Variants in SPATA31D3 observed in about 807,000 individuals in gnomAD.
SPATA31D3 encodes the protein SPATA31 subfamily D member 3.
For missense variants in SPATA31D3, 91 were observed against 297.9 expected (o/e 0.31, Z 5.11); for synonymous variants, 27 against 107.8 (o/e 0.25, Z 4.65).
At position 81,949,438 on chromosome 9, in the gene SPATA31D3, G is replaced by C. The variant is rs1278286184; in HGVS notation, c.*1431G>C. On this transcript the variant is annotated 3_prime_UTR_variant, in exon 4 of 4. Coordinates refer to ENST00000445385, the MANE Select transcript of SPATA31D3 (RefSeq NM_207416.3). ...AAAACAAGAAAGTTCCTAGGAAAAG[G>C]GTAGCTCCTTGTCATCATCTGTGCA... 3.3e-5 allele frequency: 13 copies of C among 390,088 alleles called. No individual in the cohort carries two copies. The highest frequency in any genetic ancestry group is 6.7e-5 in the South Asian group (2 of 29,992). 24.2% of individuals were successfully genotyped at this position (390,088 alleles called of 1,614,324 possible). A position where few individuals can be genotyped will look rare whatever the true frequency, so the allele number is the denominator to read the frequency against.
Position 81,949,558 on chromosome 9 carries a change from C to T in SPATA31D3, c.*1551C>T, listed in dbSNP as rs568692465. On this transcript the variant is annotated 3_prime_UTR_variant, in exon 4 of 4. Coordinates refer to ENST00000445385, the MANE Select transcript of SPATA31D3 (RefSeq NM_207416.3). ...CACTGGGGAGTTCATAGAAGAGAAGCTGGGGCATAGACATTGAATAGATAT... is the reference window on the plus strand; with the variant it reads ...CACTGGGGAGTTCATAGAAGAGAAGTTGGGGCATAGACATTGAATAGATAT... 5.0e-6 allele frequency: 3 copies of T among 602,538 alleles called. No individual in the cohort carries two copies. Among genetic ancestry groups the T allele is most frequent in the South Asian group, 3.5e-5 (2 of 56,514 alleles). The allele number at this position is 602,538 out of a possible 1,614,324, so 37.3% of individuals were successfully genotyped here.
chr9:81,949,258 A>G lies in SPATA31D3; in HGVS notation c.*1251A>G, dbSNP rs552788646. On this transcript the variant is annotated 3_prime_UTR_variant, in exon 4 of 4. Coordinates refer to ENST00000445385, the MANE Select transcript of SPATA31D3 (RefSeq NM_207416.3). The stretch of plus-strand genomic sequence containing the variant: ...AGGGCTGGGGACATCCCAACTCAGA[A>G]GAAAGAGCCATGCTATTCATAACAA... 5.5e-5 allele frequency: 21 copies of G among 383,228 alleles called. 1 individual carries two copies. The highest frequency in any genetic ancestry group is 3.1e-4 in the Admixed American group (8 of 25,518). 23.7% of individuals were successfully genotyped at this position (383,228 alleles called of 1,614,324 possible).
In SPATA31D3 at chr9:81,949,980, C is replaced by T. The variant is rs1275671380; in HGVS notation, c.*1973C>T. ...GTGTTCAGTGATGTGCCTTTACTAA[C>T]TGGACAGAAAATACTTCCAAAGCAT... On this transcript the variant is annotated 3_prime_UTR_variant, in exon 4 of 4. Transcript: ENST00000445385. 1.8e-5 allele frequency: 7 copies of T among 398,950 alleles called. No individual in the cohort carries two copies. Among genetic ancestry groups the T allele is most frequent in the Admixed American group, 4.0e-5 (1 of 24,812 alleles). 24.7% of individuals were successfully genotyped at this position (398,950 alleles called of 1,614,324 possible).
At position 81,949,825 on chromosome 9, in the gene SPATA31D3, A is replaced by C; in HGVS notation, c.*1818A>C. On this transcript the variant is annotated 3_prime_UTR_variant, in exon 4 of 4. Coordinates refer to ENST00000445385, the MANE Select transcript of SPATA31D3 (RefSeq NM_207416.3). ...ATAGCCCCAGGAAGTTGGACATTTA[A>C]GGGGAAGATATTGTGTCAAAGGCAT... is the stretch of plus-strand genomic sequence containing the variant. 1 of 1,119,938 alleles carries C rather than the reference A, an allele frequency of 8.9e-7. No individual in the cohort carries two copies. Among genetic ancestry groups the C allele is most frequent in the East Asian group, 2.4e-5 (1 of 41,962 alleles). 69.4% of individuals were successfully genotyped at this position (1,119,938 alleles called of 1,614,324 possible).
At chr9:81,945,086 ATCCCAAGGGTC>A in intron 2 of SPATA31D3, 75 bp from the exon 3 acceptor site, 1 of 445,414 alleles carries the variant, frequency 2.2e-6, no homozygotes, top group Non-Finnish European at 3.8e-6. Context: ...AGAGTTTAAT[ATCCCAAGGGTC>A]TTCCACAGAG....
Position 81,949,869 on chromosome 9 carries a change from A to G in SPATA31D3, c.*1862A>G, listed in dbSNP as rs993466508. The G allele has an allele frequency of 2.4e-6, 2 of 844,894 alleles. No homozygotes were observed. The highest frequency in any genetic ancestry group is 2.3e-4 in the Middle Eastern group (1 of 4,266). The allele number at this position is 844,894 out of a possible 1,614,324, so 52.3% of individuals were successfully genotyped here. ...AAGGCATCCCCAATCCATGCCCCACAGGAAGCCTGTGCCACAGCCAAACCC... is the reference window on the plus strand; with the variant it reads ...AAGGCATCCCCAATCCATGCCCCACGGGAAGCCTGTGCCACAGCCAAACCC... On this transcript the variant is annotated 3_prime_UTR_variant, in exon 4 of 4. Coordinates refer to ENST00000445385, the MANE Select transcript of SPATA31D3 (RefSeq NM_207416.3).
At position 81,949,982 on chromosome 9, in the gene SPATA31D3, G is replaced by T; in HGVS notation, c.*1975G>T. The T allele has an allele frequency of 2.6e-6, 1 of 388,740 alleles. No homozygotes were observed. Among genetic ancestry groups the T allele is most frequent in the Admixed American group, 4.1e-5 (1 of 24,294 alleles). 24.1% of individuals were successfully genotyped at this position (388,740 alleles called of 1,614,324 possible). A position where few individuals can be genotyped will look rare whatever the true frequency, so the allele number is the denominator to read the frequency against. ...GTTCAGTGATGTGCCTTTACTAACT[G>T]GACAGAAAATACTTCCAAAGCATTT... On this transcript the variant is annotated 3_prime_UTR_variant, in exon 4 of 4. Transcript: ENST00000445385.
Position 81,948,034 on chromosome 9 carries a change from A to C in SPATA31D3, c.*27A>C, listed in dbSNP as rs1449213097. 2.5e-6 allele frequency: 4 copies of C among 1,597,808 alleles called. No homozygotes were observed. The highest frequency in any genetic ancestry group is 3.4e-6 in the Non-Finnish European group (4 of 1,172,296). ...GATGCTGTGGGGCCTTCCCCGCAAG[A>C]TCCGTGAACCCACAGAAATCTTCAA... On this transcript the variant is annotated 3_prime_UTR_variant, in exon 4 of 4. Transcript: ENST00000445385.
At position 81,949,832 on chromosome 9, in the gene SPATA31D3, G is replaced by T. The variant is rs1027056653; in HGVS notation, c.*1825G>T. On this transcript the variant is annotated 3_prime_UTR_variant, in exon 4 of 4. Transcript: ENST00000445385. ...CAGGAAGTTGGACATTTAAGGGGAA[G>T]ATATTGTGTCAAAGGCATCCCCAAT... 7 of 1,081,020 alleles carry T rather than the reference G, an allele frequency of 6.5e-6. No individual in the cohort carries two copies. The highest frequency in any genetic ancestry group is 3.6e-5 in the Admixed American group (2 of 55,660). 67.0% of individuals were successfully genotyped at this position (1,081,020 alleles called of 1,614,324 possible).
Position 81,949,936 on chromosome 9 carries a change from G to T in SPATA31D3, c.*1929G>T. ...TCAACCTGGTGCCTCCGGTCATCCT[G>T]ACCAGTGCTAAAAACACTGTGTTCA... On this transcript the variant is annotated 3_prime_UTR_variant, in exon 4 of 4. Coordinates refer to ENST00000445385, the MANE Select transcript of SPATA31D3 (RefSeq NM_207416.3). 3 of 564,282 alleles carry T rather than the reference G, an allele frequency of 5.3e-6. No homozygotes were observed. The South Asian group carries it at 6.7e-5, about 13-fold the overall frequency. 35.0% of individuals were successfully genotyped at this position (564,282 alleles called of 1,614,324 possible). A position where few individuals can be genotyped will look rare whatever the true frequency, so the allele number is the denominator to read the frequency against.
In SPATA31D3 at chr9:81,949,201, C is replaced by G. The variant is rs1823961785; in HGVS notation, c.*1194C>G. ...TACAAAGAGAGTGAGCCCTCTAAGA[C>G]CTAATGGAGGAGAGCTTGGTGGAGG... On this transcript the variant is annotated 3_prime_UTR_variant, in exon 4 of 4. Transcript: ENST00000445385. 5 of 449,918 alleles carry G rather than the reference C, an allele frequency of 1.1e-5. No homozygotes were observed. Among genetic ancestry groups the G allele is most frequent in the South Asian group, 3.4e-5 (1 of 29,476 alleles). 27.9% of individuals were successfully genotyped at this position (449,918 alleles called of 1,614,324 possible).
chr9:81,948,556 A>G lies in SPATA31D3; in HGVS notation c.*549A>G. On this transcript the variant is annotated 3_prime_UTR_variant, in exon 4 of 4. Transcript: ENST00000445385. ...GACTTTTCTGCCCCCCACACACAGC[A>G]TCATAGACGAAGTCAGTCAGAAACA... 1.1e-5 allele frequency: 1 copy of G among 87,080 alleles called. No homozygotes were observed. Among genetic ancestry groups the G allele is most frequent in the Non-Finnish European group, 1.8e-5 (1 of 54,962 alleles). 5.4% of individuals were successfully genotyped at this position (87,080 alleles called of 1,614,324 possible).
chr9:81,945,061 A>T (rs1823859726), intron 2 of SPATA31D3, 111 bp from the exon 3 acceptor site: 10 of 380,750 alleles, frequency 2.6e-5, no homozygotes, highest in African/African-American at 4.3e-5. Flanking sequence ...TTTTCTACTG[A>T]TTCTTGGGGC....
chr9:81,949,564 C>A lies in SPATA31D3; in HGVS notation c.*1557C>A. 1.6e-6 allele frequency: 1 copy of A among 610,472 alleles called. No individual in the cohort carries two copies. Among genetic ancestry groups the A allele is most frequent in the Non-Finnish European group, 3.1e-6 (1 of 327,236 alleles). 37.8% of individuals were successfully genotyped at this position (610,472 alleles called of 1,614,324 possible). A position where few individuals can be genotyped will look rare whatever the true frequency, so the allele number is the denominator to read the frequency against. The stretch of plus-strand genomic sequence containing the variant: ...GGAGTTCATAGAAGAGAAGCTGGGG[C>A]ATAGACATTGAATAGATATCACCTG... On this transcript the variant is annotated 3_prime_UTR_variant, in exon 4 of 4. Transcript: ENST00000445385.
In SPATA31D3 at chr9:81,949,401, C is replaced by T. The variant is rs1417710882; in HGVS notation, c.*1394C>T. 1.4e-5 allele frequency: 5 copies of T among 369,778 alleles called. No individual in the cohort carries two copies. Among genetic ancestry groups the T allele is most frequent in the South Asian group, 1.3e-4 (4 of 29,862 alleles). 22.9% of individuals were successfully genotyped at this position (369,778 alleles called of 1,614,324 possible). Reference sequence around the variant, plus strand: ...TTTTGCAGCAGTCTAATAAACCCATCATAACATATGGAAAACAAGAAAGTT... The same window carrying T: ...TTTTGCAGCAGTCTAATAAACCCATTATAACATATGGAAAACAAGAAAGTT... On this transcript the variant is annotated 3_prime_UTR_variant, in exon 4 of 4. Transcript: ENST00000445385.
In SPATA31D3 at chr9:81,948,038, G is replaced by A. The variant is rs770924314; in HGVS notation, c.*31G>A. The A allele has an allele frequency of 2.3e-5, 36 of 1,598,626 alleles. 1 individual carries two copies. The highest frequency in any genetic ancestry group is 4.5e-5 in the South Asian group (4 of 88,764). Reference sequence around the variant, plus strand: ...CTGTGGGGCCTTCCCCGCAAGATCCGTGAACCCACAGAAATCTTCAAATCA... The same window carrying A: ...CTGTGGGGCCTTCCCCGCAAGATCCATGAACCCACAGAAATCTTCAAATCA... On this transcript the variant is annotated 3_prime_UTR_variant, in exon 4 of 4. Transcript: ENST00000445385.
chr9:81,948,188 A>T lies in SPATA31D3; in HGVS notation c.*181A>T. 3.2e-6 allele frequency: 4 copies of T among 1,242,530 alleles called. No individual in the cohort carries two copies. The highest frequency in any genetic ancestry group is 2.1e-4 in the Middle Eastern group (1 of 4,770). 77.0% of individuals were successfully genotyped at this position (1,242,530 alleles called of 1,614,324 possible). A position where few individuals can be genotyped will look rare whatever the true frequency, so the allele number is the denominator to read the frequency against. ...AGACGAAGCACTTTTCAAGGAGAAA[A>T]GTTGGGAACAACAAGCTCAGTCCCT... On this transcript the variant is annotated 3_prime_UTR_variant, in exon 4 of 4. Transcript: ENST00000445385.
At position 81,948,023 on chromosome 9, in the gene SPATA31D3, T is replaced by C; in HGVS notation, c.*16T>C. 1.9e-6 allele frequency: 3 copies of C among 1,593,194 alleles called. No individual in the cohort carries two copies. Among genetic ancestry groups the C allele is most frequent in the Middle Eastern group, 1.7e-4 (1 of 5,972 alleles). On this transcript the variant is annotated 3_prime_UTR_variant, in exon 4 of 4. Transcript: ENST00000445385. ...TTCCATATGAGGATGCTGTGGGGCC[T>C]TCCCCGCAAGATCCGTGAACCCACA...
rs1823998642 is a variant in SPATA31D3, at chr9:81,949,804, C to T, written c.*1797C>T. On this transcript the variant is annotated 3_prime_UTR_variant, in exon 4 of 4. Transcript: ENST00000445385. ...ACAGATCATAGACAAGGACAGATAG[C>T]CCCAGGAAGTTGGACATTTAAGGGG... 1 of 1,248,424 alleles carries T rather than the reference C, an allele frequency of 8.0e-7. No homozygotes were observed. Among genetic ancestry groups the T allele is most frequent in the Non-Finnish European group, 1.2e-6 (1 of 856,296 alleles). 77.3% of individuals were successfully genotyped at this position (1,248,424 alleles called of 1,614,324 possible).
Sources: allele counts gnomAD v4.1 joint callset, GRCh38; gene constraint gnomAD v4.1.1; transcripts MANE v1.5; gene names NCBI Gene and HGNC (gene_info 2026-07-23, HGNC 2026-07-21).